Variants in CTIF observed in about 807,000 individuals in gnomAD.
The protein encoded by CTIF is CBP80/20-dependent translation initiation factor.
In CTIF, 21 loss-of-function variants were observed where a neutral mutation model predicts 66.0. The observed-to-expected ratio is 0.32, with a 90% CI of 0.23 to 0.46. The LOEUF is 0.46. Among genes scored for constraint, CTIF ranks in the 20% least tolerant of loss-of-function variants. The pLI, the probability that CTIF is intolerant of heterozygous loss-of-function variation, is 1.00. For missense variants in CTIF, 739 were observed against 812.7 expected, an observed-to-expected ratio of 0.91 and a Z score of 1.10; for synonymous variants, 345 against 326.4, an observed-to-expected ratio of 1.06 and a Z score of -0.62.
intron 7 of CTIF, among the ~76,000 whole-genome samples, chr18:48,752,335 G>A (rs1907910130): frequency 2.0e-5 from 3 of 152,180 alleles, no homozygotes. Flanking sequence ...GCCCAGTGCT[G>A]CTGTTGCCGC....
At position 48,730,460 on chromosome 18, in the gene CTIF, C is replaced by T. The variant is rs867558773; in HGVS notation, c.584+18765C>T. Among the ~76,000 whole-genome samples, 412 of 100,414 alleles carry T rather than the reference C, an allele frequency of 4.1e-3. 28 individuals carry two copies. Among genetic ancestry groups the T allele is most frequent in the African/African-American group, 0.011 (274 of 25,702 alleles). 65.9% of individuals were successfully genotyped at this position (100,414 alleles called of 152,430 possible). On this transcript the variant is annotated intron_variant, in intron 7 of 11. Transcript: ENST00000256413. ...GGGCCCCTGTGGTGTGAGGGGCTTCCGCGGTGTGAGGGGCTTCCGCGGTGT... is the reference window on the plus strand; with the variant it reads ...GGGCCCCTGTGGTGTGAGGGGCTTCTGCGGTGTGAGGGGCTTCCGCGGTGT...
chr18:48,833,367 G>A (rs911418622), intron 10 of CTIF, among the ~76,000 whole-genome samples: 4 of 152,162 alleles, frequency 2.6e-5, no homozygotes, highest in Non-Finnish European at 5.9e-5. Flanking sequence ...AGTCTTGGAT[G>A]CCTCTTGCTG....
intron 6 of CTIF, among the ~76,000 whole-genome samples, chr18:48,706,808 C>A (rs1013406280): frequency 7.2e-5 from 11 of 152,192 alleles, no homozygotes; most frequent in African/African-American, 1.9e-4. Context: ...GTGTACTCTG[C>A]CGGCGCTGCA....
At chr18:48,742,523 G>A (rs1334068052) in intron 7 of CTIF, among the ~76,000 whole-genome samples, 1 of 152,270 alleles carries the variant, frequency 6.6e-6, no homozygotes, top group Non-Finnish European at 1.5e-5. Context: ...CACGCAGACA[G>A]CGAGAGCACC....
intron 9 of CTIF, among the ~76,000 whole-genome samples, chr18:48,808,318 A>T (rs2068192053): frequency 6.6e-6 from 1 of 152,178 alleles, no homozygotes. Flanking sequence ...GAGGGATTTC[A>T]TACTTTTATT....
chr18:48,546,780 T>C (rs2088762365), intron 1 of CTIF, among the ~76,000 whole-genome samples: 1 of 152,136 alleles, frequency 6.6e-6, no homozygotes, highest in Non-Finnish European at 1.5e-5. Context: ...GGAGAAAGGA[T>C]GGACTAGACA....
At chr18:48,754,552 C>T (rs764152165) in intron 7 of CTIF, among the ~76,000 whole-genome samples, 4 of 152,206 alleles carry the variant, frequency 2.6e-5, no homozygotes, top group Non-Finnish European at 5.9e-5. Flanking sequence ...TCTTCCCTGC[C>T]CTCCCAGGGC....
At position 48,758,241 on chromosome 18, in the gene CTIF, C is replaced by G. The variant is rs201581371; in HGVS notation, c.907C>G (p.Leu303Val). The G allele has an allele frequency of 1.1e-5, 17 of 1,613,338 alleles. No individual in the cohort carries two copies. The highest frequency in any genetic ancestry group is 1.7e-5 in the Admixed American group (1 of 59,984). Reference protein sequence around the residue: ...SLEAPRSPDTLAPVASERLPP... With the variant: ...SLEAPRSPDTVAPVASERLPP... ...TGAGGCCCCCCGCAGCCCTGACACC[C>G]TGGCCCCGGTGGCTTCTGAGCGGCT... The change falls in exon 8 of 12, where the codon CTG becomes GTG. Residue 303 changes from leucine to valine, a missense_variant. This residue lies in a region of CTIF where 529 missense variants were observed against 520.3 expected (regional missense o/e 1.02). Transcript: ENST00000256413.
intron 11 of CTIF, 39 bp from the exon 12 acceptor site, chr18:48,859,305 G>C (rs1168904201): frequency 6.3e-7 from 1 of 1,586,878 alleles, no homozygotes; most frequent in Non-Finnish European, 8.6e-7. Flanking sequence ...GGCCACTGTG[G>C]GACCCGAGGC....
At chr18:48,769,599 C>G (rs1909907711) in intron 9 of CTIF, among the ~76,000 whole-genome samples, 1 of 152,266 alleles carries the variant, frequency 6.6e-6, no homozygotes, top group Admixed American at 6.5e-5. Context: ...GTCACAGGAG[C>G]TTGACCCCTG....
At chr18:48,689,922 A>C (rs2091901651) in intron 6 of CTIF, among the ~76,000 whole-genome samples, 1 of 152,182 alleles carries the variant, frequency 6.6e-6, no homozygotes, top group Non-Finnish European at 1.5e-5. Context: ...TAAGGTATTA[A>C]AGACTTATCC....
At chr18:48,624,089 C>A (rs1213815076) in intron 2 of CTIF, among the ~76,000 whole-genome samples, 1 of 141,534 alleles carries the variant, frequency 7.1e-6, no homozygotes, top group Non-Finnish European at 1.5e-5. Flanking sequence ...TGACACCACG[C>A]CCCTCCCCAT....
chr18:48,621,738 G>A lies in CTIF; in HGVS notation c.180+1993G>A, dbSNP rs200894634. On this transcript the variant is annotated intron_variant, in intron 2 of 11. Transcript: ENST00000256413. ...AGAAGCCTGCCTGTGGCCAGCTCAA[G>A]GAACAGAAGGAGATGGCCTGGAGAC... 63 of 259,546 alleles carry A rather than the reference G, an allele frequency of 2.4e-4. No individual in the cohort carries two copies. The East Asian group carries it at 0.01, about 41-fold the overall frequency. 16.1% of individuals were successfully genotyped at this position (259,546 alleles called of 1,614,324 possible).
intron 10 of CTIF, among the ~76,000 whole-genome samples, chr18:48,841,677 A>G (rs1014286369): frequency 5.1e-4 from 77 of 151,836 alleles, no homozygotes; most frequent in African/African-American, 1.7e-3. Context: ...GCTGGTGGGC[A>G]GGCAGGCGGG....
chr18:48,725,407 A>G (rs2092377713), intron 7 of CTIF, among the ~76,000 whole-genome samples: 1 of 152,094 alleles, frequency 6.6e-6, no homozygotes, highest in South Asian at 2.1e-4. Flanking sequence ...TTCCTGTCCC[A>G]ACGCCCCTCC....
chr18:48,687,525 C>T (rs968644933), intron 6 of CTIF, among the ~76,000 whole-genome samples: 9 of 152,110 alleles, frequency 5.9e-5, no homozygotes, highest in Non-Finnish European at 1.3e-4. Flanking sequence ...TTGTCCTCCC[C>T]TGCTTAGGAT....
intron 1 of CTIF, among the ~76,000 whole-genome samples, chr18:48,557,360 G>A (rs898488331): frequency 7.2e-4 from 110 of 152,288 alleles, no homozygotes; most frequent in Non-Finnish European, 1.9e-4. Context: ...GGATAGGCAC[G>A]TGACCAGAGC....
chr18:48,703,964 G>A (rs111651192), intron 6 of CTIF, among the ~76,000 whole-genome samples: 1,592 of 152,306 alleles, frequency 0.01, 34 homozygotes, highest in African/African-American at 0.036. Context: ...CCTGCCAGAC[G>A]CCAGCTCTCC....
At chr18:48,663,333 G>T (rs1220910901) in intron 3 of CTIF, among the ~76,000 whole-genome samples, 1 of 152,088 alleles carries the variant, frequency 6.6e-6, no homozygotes, top group African/African-American at 2.4e-5. Context: ...GGGGCTTCTG[G>T]GGAGTAGGAC....
Sources: gnomAD v4.1 joint callset for allele counts (sites outside exome capture counted in the v4.1 genomes callset) on GRCh38, gnomAD v4.1.1 for gene constraint, gnomAD v4.1.1 regional missense constraint, MANE v1.5 for transcripts, NCBI Gene and HGNC (gene_info 2026-07-23, HGNC 2026-07-21) for gene names.